Variants in PKIB observed in about 807,000 individuals in gnomAD.
PKIB encodes the protein PKI-beta.
In PKIB, 2 loss-of-function variants were observed where a neutral mutation model predicts 4.5. The observed-to-expected ratio is 0.44, with a 90% CI of 0.18 to 1.39. The LOEUF (loss-of-function observed/expected upper bound fraction) is 1.39. Among genes scored for constraint, PKIB ranks in the 40% most tolerant of loss-of-function variants. PKIB has a pLI of 0.27. For missense variants in PKIB, 94 were observed against 92.6 expected, an observed-to-expected ratio of 1.02 and a Z score of -0.06; for synonymous variants, 38 against 36.0, an observed-to-expected ratio of 1.06 and a Z score of -0.20.
chr6:122,503,835 C>T (rs2114564636), intron 2 of PKIB, among the ~76,000 whole-genome samples: 1 of 152,100 alleles, frequency 6.6e-6, no homozygotes, highest in South Asian at 2.1e-4. Flanking sequence ...GACTCTGACA[C>T]CAAATAAAAT....
chr6:122,540,925 C>T (rs1408111608), intron 2 of PKIB, among the ~76,000 whole-genome samples: 2 of 149,332 alleles, frequency 1.3e-5, no homozygotes, highest in Non-Finnish European at 3.0e-5. Flanking sequence ...GATCCCTTTA[C>T]CATTATGTAA....
chr6:122,480,692 T>A (rs928243216), intron 2 of PKIB: 1 of 152,212 alleles, frequency 6.6e-6, no homozygotes, highest in Non-Finnish European at 1.5e-5. Context: ...CTTATATTTC[T>A]AAGAATTTTT....
intron 3 of PKIB, among the ~76,000 whole-genome samples, chr6:122,684,405 A>G (rs1444815538): frequency 4.6e-5 from 7 of 152,112 alleles, no homozygotes; most frequent in African/African-American, 1.4e-4. Flanking sequence ...TAAGCACAAT[A>G]AAGACCTAGC....
intron 2 of PKIB, among the ~76,000 whole-genome samples, chr6:122,543,498 G>A (rs1438568864): frequency 6.6e-6 from 1 of 151,740 alleles, no homozygotes; most frequent in Non-Finnish European, 1.5e-5. Flanking sequence ...TCCTGCTTCA[G>A]CCTCCCAAGT....
chr6:122,596,587 T>C (rs1774185197), intron 3 of PKIB, among the ~76,000 whole-genome samples: 1 of 152,170 alleles, frequency 6.6e-6, no homozygotes, highest in Admixed American at 6.5e-5. Context: ...TGACCCATAG[T>C]CAAACGTTCA....
At chr6:122,678,284 A>T (rs1582803768) in intron 3 of PKIB, among the ~76,000 whole-genome samples, 1 of 152,264 alleles carries the variant, frequency 6.6e-6, no homozygotes, top group East Asian at 1.9e-4. Flanking sequence ...TTCCTTCCCA[A>T]TTCCAGTTCT....
chr6:122,725,115 A>ATTT lies in PKIB; in HGVS notation c.170-6_170-4dup. The ATTT allele has an allele frequency of 5.1e-6, 8 of 1,576,378 alleles. No individual in the cohort carries two copies. The highest frequency in any genetic ancestry group is 6.9e-6 in the Non-Finnish European group (8 of 1,153,252). ...CAATATATTCCACATATGAATGGAA[A>ATTT]TTTTTTTTTCAGATGCAAAAGAGAA... On this transcript the variant is annotated splice_polypyrimidine_tract_variant and intron_variant, in intron 4 of 4. Coordinates refer to ENST00000368452, the MANE Select transcript of PKIB (RefSeq NM_181795.3).
chr6:122,652,292 T>TTGTGTGTG (rs66695664), intron 2 of PKIB, among the ~76,000 whole-genome samples: 9 of 141,946 alleles, frequency 6.3e-5, no homozygotes, highest in African/African-American at 2.5e-4. Flanking sequence ...ATATGTTGGT[T>TTGTGTGTG]TGTGTGTGTG....
At chr6:122,614,512 G>T (rs553930051) in intron 1 of PKIB, among the ~76,000 whole-genome samples, 1 of 152,108 alleles carries the variant, frequency 6.6e-6, no homozygotes, top group African/African-American at 2.4e-5. Flanking sequence ...TGGGGGTGTG[G>T]GAGTAAGCAT....
chr6:122,646,895 T>C (rs1300031194), intron 2 of PKIB, among the ~76,000 whole-genome samples: 1 of 152,208 alleles, frequency 6.6e-6, no homozygotes. Flanking sequence ...TTTCCTTTTT[T>C]AATGGAATTT....
chr6:122,675,698 A>G (rs1467279255), intron 3 of PKIB, among the ~76,000 whole-genome samples: 3 of 152,174 alleles, frequency 2.0e-5, no homozygotes, highest in African/African-American at 4.8e-5. Context: ...TGAGGAATCT[A>G]GGAGACTTTT....
At chr6:122,612,440 T>C (rs1001210205) in intron 1 of PKIB, among the ~76,000 whole-genome samples, 3 of 152,188 alleles carry the variant, frequency 2.0e-5, no homozygotes, top group Admixed American at 6.5e-5. Flanking sequence ...AGATTCCTTA[T>C]GTCCATTATG....
At chr6:122,619,567 C>T (rs568613587) in intron 1 of PKIB, among the ~76,000 whole-genome samples, 1 of 152,202 alleles carries the variant, frequency 6.6e-6, no homozygotes, top group South Asian at 2.1e-4. Flanking sequence ...AGAATGCAGA[C>T]ATGACTGCAG....
At chr6:122,616,120 T>C (rs1319698017) in intron 1 of PKIB, among the ~76,000 whole-genome samples, 1 of 152,090 alleles carries the variant, frequency 6.6e-6, no homozygotes, top group African/African-American at 2.4e-5. Flanking sequence ...AGATCTCCTA[T>C]GGGAAGCACA....
At chr6:122,497,273 A>G (rs1776099248) in intron 2 of PKIB, among the ~76,000 whole-genome samples, 1 of 152,196 alleles carries the variant, frequency 6.6e-6, no homozygotes, top group Non-Finnish European at 1.5e-5. Context: ...ATAAAATCAC[A>G]CTTAAGTATA....
intron 2 of PKIB, among the ~76,000 whole-genome samples, chr6:122,497,129 G>A (rs947809302): frequency 2.6e-5 from 4 of 152,114 alleles, no homozygotes; most frequent in Non-Finnish European, 5.9e-5. Flanking sequence ...GCCAAACTAA[G>A]CTTCATAAGT....
intron 2 of PKIB, among the ~76,000 whole-genome samples, chr6:122,576,689 A>AAAAAAAAAAAAAAAAT (rs1345822382): frequency 2.9e-5 from 1 of 34,314 alleles, no homozygotes; most frequent in Non-Finnish European, 4.7e-5. Context: ...AAAAAAAAAA[A>AAAAAAAAAAAAAAAAT]ATATATATAT....
At chr6:122,569,495 A>C (rs1467985976) in intron 2 of PKIB, among the ~76,000 whole-genome samples, 1 of 152,214 alleles carries the variant, frequency 6.6e-6, no homozygotes, top group East Asian at 1.9e-4. Context: ...GGTCCACGTG[A>C]CAAGTTCACA....
chr6:122,640,367 C>G (rs1266761297), intron 2 of PKIB, among the ~76,000 whole-genome samples: 1 of 152,170 alleles, frequency 6.6e-6, no homozygotes, highest in East Asian at 1.9e-4. Flanking sequence ...GACAATTGTT[C>G]TACTTCATTA....
Sources: allele counts gnomAD v4.1 joint callset (sites outside exome capture counted in the v4.1 genomes callset), GRCh38; gene constraint gnomAD v4.1.1; transcripts MANE v1.5; gene names NCBI Gene and HGNC (gene_info 2026-07-23, HGNC 2026-07-21).